GABRB3: variants seen among roughly 807,000 people sequenced by gnomAD.
GABRB3 encodes gamma-aminobutyric acid type A receptor subunit beta3.
In GABRB3, 14 loss-of-function variants were observed where a neutral mutation model predicts 52.1. The ratio of observed to expected loss-of-function variants is 0.27; its 90% CI spans 0.18 to 0.42. The LOEUF is 0.42. Among genes scored for constraint, GABRB3 ranks in the 10% least tolerant of loss-of-function variants. The pLI, the probability that GABRB3 is intolerant of heterozygous loss-of-function variation, is 1.00. For synonymous variants in GABRB3, 260 were observed against 232.3 expected, an observed-to-expected ratio of 1.12 and a Z score of -1.08; for missense variants, 307 against 609.1, an observed-to-expected ratio of 0.50 and a Z score of 5.22.
chr15:26,688,200 T>A (rs761024805), intron 3 of GABRB3, among the ~76,000 whole-genome samples: 5 of 152,176 alleles, frequency 3.3e-5, no homozygotes, highest in Non-Finnish European at 7.3e-5. Flanking sequence ...AAGTCCTGGT[T>A]ACTGGATGGA....
chr15:26,719,914 A>ATATC (rs1555379180), intron 3 of GABRB3, among the ~76,000 whole-genome samples: 2 of 152,218 alleles, frequency 1.3e-5, no homozygotes, highest in Non-Finnish European at 2.9e-5. Flanking sequence ...CTAAGCCATC[A>ATATC]TATCCCCTGT....
At chr15:26,726,004 CAT>C (rs1163159572) in intron 3 of GABRB3, among the ~76,000 whole-genome samples, 8 of 152,148 alleles carry the variant, frequency 5.3e-5, no homozygotes, top group Non-Finnish European at 1.0e-4. Context: ...CCAGCCTGCA[CAT>C]GTGTCATTTT....
At chr15:26,758,816 C>T (rs546827782) in intron 3 of GABRB3, among the ~76,000 whole-genome samples, 2 of 152,210 alleles carry the variant, frequency 1.3e-5, no homozygotes, top group South Asian at 2.1e-4. Context: ...TATGTGACAC[C>T]ACCATTGTAG....
chr15:26,733,287 T>A (rs911536668), intron 3 of GABRB3, among the ~76,000 whole-genome samples: 2 of 152,172 alleles, frequency 1.3e-5, no homozygotes, highest in Admixed American at 1.3e-4. Flanking sequence ...CAAATTGTTA[T>A]AGCTAATAGA....
intron 3 of GABRB3, among the ~76,000 whole-genome samples, chr15:26,708,868 A>G (rs531147852): frequency 5.3e-5 from 8 of 152,310 alleles, no homozygotes; most frequent in Admixed American, 5.2e-4. Context: ...GGATCAGTAC[A>G]GGACCTTTAT....
intron 3 of GABRB3, among the ~76,000 whole-genome samples, chr15:26,648,995 C>T (rs1232567218): frequency 1.3e-5 from 2 of 151,636 alleles, no homozygotes; most frequent in South Asian, 4.2e-4. Flanking sequence ...GTGGAAACAG[C>T]AAAGAGCTAA....
At chr15:26,642,275 G>C (rs181904704) in intron 3 of GABRB3, among the ~76,000 whole-genome samples, 15 of 152,216 alleles carry the variant, frequency 9.9e-5, no homozygotes, top group Non-Finnish European at 1.5e-4. Context: ...CAAAAATAGA[G>C]GATCAACTTT....
chr15:26,762,783 G>C (rs758220148), intron 3 of GABRB3, among the ~76,000 whole-genome samples: 12 of 152,018 alleles, frequency 7.9e-5, no homozygotes, highest in Non-Finnish European at 1.6e-4. Flanking sequence ...ATCTCACAAG[G>C]AATGATTACA....
chr15:26,580,620 T>A (rs1248668839), intron 5 of GABRB3, 164 bp from the exon 6 acceptor site: 1 of 891,074 alleles, frequency 1.1e-6, no homozygotes, highest in Non-Finnish European at 1.8e-6. Flanking sequence ...AACTTTCCAA[T>A]ATTCTCATGT....
At chr15:26,759,495 G>C (rs1017800749) in intron 3 of GABRB3, among the ~76,000 whole-genome samples, 30 of 152,136 alleles carry the variant, frequency 2.0e-4, no homozygotes, top group African/African-American at 7.2e-4. Context: ...TCCTGACCTC[G>C]TGATCCACCC....
intron 4 of GABRB3, chr15:26,615,631 G>A (rs1182100185): frequency 1.3e-5 from 8 of 626,590 alleles, no homozygotes; most frequent in African/African-American, 1.9e-5. Context: ...CTGAGTTGAC[G>A]TACAAACCTA....
chr15:26,547,752 T>C lies in GABRB3; in HGVS notation c.*41A>G. On this transcript the variant is annotated 3_prime_UTR_variant, in exon 9 of 9. Transcript: ENST00000311550. ...CTTGACAGGCAGAGTAATATTTCAC[T>C]CAGTGTTAAATGAAGTCTTTGAAAA... 1 of 1,517,238 alleles carries C rather than the reference T, an allele frequency of 6.6e-7. No homozygotes were observed. The highest frequency in any genetic ancestry group is 9.2e-7 in the Non-Finnish European group (1 of 1,092,702). The allele number at this position is 1,517,238 out of a possible 1,614,324, so 94.0% of individuals were successfully genotyped here. A position where few individuals can be genotyped will look rare whatever the true frequency, so the allele number is the denominator to read the frequency against.
At chr15:26,618,298 G>C (rs1382451135) in intron 4 of GABRB3, among the ~76,000 whole-genome samples, 2 of 151,670 alleles carry the variant, frequency 1.3e-5, no homozygotes, top group Non-Finnish European at 2.9e-5. Context: ...AAACAGCATG[G>C]TACTGGTACC....
intron 8 of GABRB3, among the ~76,000 whole-genome samples, chr15:26,552,505 C>T (rs1039658230): frequency 1.3e-5 from 2 of 152,148 alleles, no homozygotes; most frequent in African/African-American, 4.8e-5. Context: ...GAAACAGGTG[C>T]CCATGGCAGT....
At chr15:26,561,306 T>A in intron 7 of GABRB3, 130 bp from the exon 8 acceptor site, 1 of 1,284,722 alleles carries the variant, frequency 7.8e-7, no homozygotes, top group Non-Finnish European at 1.1e-6. Context: ...GTGGGGTGAC[T>A]GGAATGCAAC....
chr15:26,773,574 C>T, upstream of GABRB3: 1 of 1,319,132 alleles, frequency 7.6e-7, no homozygotes, highest in Non-Finnish European at 1.1e-6. Context: ...GGTGCCGCGC[C>T]TCTGCCCGCC....
At chr15:26,687,639 A>G (rs1213915513) in intron 3 of GABRB3, among the ~76,000 whole-genome samples, 1 of 152,198 alleles carries the variant, frequency 6.6e-6, no homozygotes, top group Non-Finnish European at 1.5e-5. Context: ...AATATTTAGA[A>G]CCATCACATC....
chr15:26,585,093 C>T (rs1566759469), intron 4 of GABRB3, among the ~76,000 whole-genome samples: 1 of 152,150 alleles, frequency 6.6e-6, no homozygotes, highest in Non-Finnish European at 1.5e-5. Flanking sequence ...AGGTTGCAGT[C>T]GTAGTTGTGC....
chr15:26,711,351 T>TA (rs1461264394), intron 3 of GABRB3, among the ~76,000 whole-genome samples: 7 of 152,192 alleles, frequency 4.6e-5, no homozygotes. Flanking sequence ...CACATAACAG[T>TA]AAGTTTCTCC....
Sources: allele counts gnomAD v4.1 joint callset (sites outside exome capture counted in the v4.1 genomes callset), GRCh38; gene constraint gnomAD v4.1.1; transcripts MANE v1.5; gene names NCBI Gene and HGNC (gene_info 2026-07-23, HGNC 2026-07-21).